Variants in MPLKIP observed in about 807,000 individuals in gnomAD.
MPLKIP encodes the protein M-phase-specific PLK1-interacting protein.
A neutral mutation model predicts 16.9 loss-of-function variants in MPLKIP; 16 were observed. The ratio of observed to expected loss-of-function variants is 0.94; its 90% CI spans 0.64 to 1.43. The LOEUF is 1.43. Among genes scored for constraint, MPLKIP ranks in the 40% most tolerant of loss-of-function variants. The pLI, the probability that MPLKIP is intolerant of heterozygous loss-of-function variation, is 0.00. For synonymous variants in MPLKIP, 126 were observed against 98.4 expected (o/e 1.28, Z -1.66); for missense variants, 282 against 237.6 (o/e 1.19, Z -1.23).
In MPLKIP at chr7:40,134,424, CG is replaced by C; in HGVS notation, c.143del (p.Pro48ArgfsTer105). 3 of 1,564,878 alleles carry C rather than the reference CG, an allele frequency of 1.9e-6. No homozygotes were observed. Among genetic ancestry groups the C allele is most frequent in the Non-Finnish European group, 2.6e-6 (3 of 1,156,856 alleles). On this transcript the variant is annotated frameshift_variant, in exon 1 of 2. Coordinates refer to ENST00000306984, the MANE Select transcript of MPLKIP (RefSeq NM_138701.4). LOFTEE classifies it high-confidence loss of function. ...PPSPRDGYGS[P>X]HHTPPYGPRS... ...GGGGCCCGTACGGCGGCGTGTGGTGCGGACTCCCGTACCCGTCTCGAGGGGA... is the reference window on the plus strand; with the variant it reads ...GGGGCCCGTACGGCGGCGTGTGGTGCGACTCCCGTACCCGTCTCGAGGGGA...
Position 40,133,047 on chromosome 7 carries a change from A to C in MPLKIP, c.*12T>G. On this transcript the variant is annotated 3_prime_UTR_variant, in exon 2 of 2. Coordinates refer to ENST00000306984, the MANE Select transcript of MPLKIP (RefSeq NM_138701.4). The stretch of plus-strand genomic sequence containing the variant: ...CCTGACACATGAAGCTTCCAGTTGA[A>C]TTTCAGAAATGTTAACAAAAGTATC... 1 of 1,612,374 alleles carries C rather than the reference A, an allele frequency of 6.2e-7. No individual in the cohort carries two copies. Among genetic ancestry groups the C allele is most frequent in the Non-Finnish European group, 8.5e-7 (1 of 1,178,672 alleles).
rs1333787329 is a variant in MPLKIP, at chr7:40,127,920, GTAATCCCATCTAC to G, written c.*5126_*5138del. On this transcript the variant is annotated 3_prime_UTR_variant, in exon 2 of 2. Transcript: ENST00000306984. ...TAGCCAGGCATGGTGGCTTGCACCT[GTAATCCCATCTAC>G]TCAGGAGGCTAAGGCAGGAGAACTG... 4.6e-5 allele frequency: 7 copies of G among 152,232 alleles called. No homozygotes were observed. Among genetic ancestry groups the G allele is most frequent in the African/African-American group, 1.7e-4 (7 of 41,406 alleles). 9.4% of individuals were successfully genotyped at this position (152,232 alleles called of 1,614,324 possible). A position where few individuals can be genotyped will look rare whatever the true frequency, so the allele number is the denominator to read the frequency against.
rs1190652933 is a variant in MPLKIP at position 40,128,410 on chromosome 7, G to A, written c.*4649C>T. ...ACCTAATAATAAATGTACTGGCAAG[G>A]GTTAATGAAAATGTTTCTCTTAAGA... On this transcript the variant is annotated 3_prime_UTR_variant, in exon 2 of 2. Coordinates refer to ENST00000306984, the MANE Select transcript of MPLKIP (RefSeq NM_138701.4). 1 of 152,052 alleles carries A rather than the reference G, an allele frequency of 6.6e-6. No homozygotes were observed. The highest frequency in any genetic ancestry group is 1.5e-5 in the Non-Finnish European group (1 of 68,006). 9.4% of individuals were successfully genotyped at this position (152,052 alleles called of 1,614,324 possible). A position where few individuals can be genotyped will look rare whatever the true frequency, so the allele number is the denominator to read the frequency against.
At position 40,128,550 on chromosome 7, in the gene MPLKIP, C is replaced by T. The variant is rs888234945; in HGVS notation, c.*4509G>A. The T allele has an allele frequency of 2.0e-5, 3 of 152,306 alleles. No individual in the cohort carries two copies. Among genetic ancestry groups the T allele is most frequent in the Admixed American group, 6.5e-5 (1 of 15,296 alleles). 9.4% of individuals were successfully genotyped at this position (152,306 alleles called of 1,614,324 possible). ...AACATGAAACTTTTAACTTCCTCCT[C>T]CTTGATATCATGCAAACTATGCTAC... On this transcript the variant is annotated 3_prime_UTR_variant, in exon 2 of 2. Coordinates refer to ENST00000306984, the MANE Select transcript of MPLKIP (RefSeq NM_138701.4).
Position 40,133,211 on chromosome 7 carries a change from T to C in MPLKIP, c.388A>G (p.Lys130Glu). The change falls in exon 2 of 2, where the codon AAA (lysine) becomes GAA (glutamate). Residue 130 changes from lysine (K) to glutamate (E), a missense_variant. Lys to Glu is a moderately conservative substitution (Grantham distance 56, BLOSUM62 1). Transcript: ENST00000306984. Reference protein sequence around the residue: ...TPFGSGRVREKRMSNELENYF... With the variant: ...TPFGSGRVREERMSNELENYF... ...TTTTCCAACTCATTAGACATTCTTTTTTCTCTAACACGCCCTGATCCAAAT... is the reference window on the plus strand; with the variant it reads ...TTTTCCAACTCATTAGACATTCTTTCTTCTCTAACACGCCCTGATCCAAAT... 2 of 1,613,806 alleles carry C rather than the reference T, an allele frequency of 1.2e-6. No individual in the cohort carries two copies. Among genetic ancestry groups the C allele is most frequent in the East Asian group, 4.5e-5 (2 of 44,834 alleles).
Position 40,134,617 on chromosome 7 carries a change from T to C in MPLKIP, c.-50A>G, listed in dbSNP as rs746561954. ...CGCAGCCGCGTTCTCCCACCGGAAC[T>C]GTATCAACCGGCCCTCCGCAGAGAA... is the stretch of plus-strand genomic sequence containing the variant. On this transcript the variant is annotated 5_prime_UTR_variant, in exon 1 of 2. Coordinates refer to ENST00000306984, the MANE Select transcript of MPLKIP (RefSeq NM_138701.4). The C allele has an allele frequency of 8.5e-6, 13 of 1,528,208 alleles. No homozygotes were observed. Among genetic ancestry groups the C allele is most frequent in the Non-Finnish European group, 1.1e-5 (13 of 1,133,974 alleles). 94.7% of individuals were successfully genotyped at this position (1,528,208 alleles called of 1,614,324 possible). A position where few individuals can be genotyped will look rare whatever the true frequency, so the allele number is the denominator to read the frequency against.
Position 40,132,480 on chromosome 7 carries a change from A to T in MPLKIP, c.*579T>A, listed in dbSNP as rs1000269079. ...GCCTTTTCCAGTTAAATGAGTATAA[A>T]GTTATGCTTAAATGGGTTTCTGGGG... On this transcript the variant is annotated 3_prime_UTR_variant, in exon 2 of 2. Transcript: ENST00000306984. The T allele has an allele frequency of 6.2e-6, 1 of 160,798 alleles. No homozygotes were observed. 10.0% of individuals were successfully genotyped at this position (160,798 alleles called of 1,614,324 possible).
intron 1 of MPLKIP, 42 bp downstream of exon 1, chr7:40,134,187 C>A (rs375140000): frequency 1.3e-6 from 2 of 1,537,938 alleles, no homozygotes; most frequent in Non-Finnish European, 1.8e-6. Flanking sequence ...ACCGTGCCTG[C>A]CATAAAGTAA....
In MPLKIP at chr7:40,131,789, G is replaced by A. The variant is rs1787466174; in HGVS notation, c.*1270C>T. The A allele has an allele frequency of 6.6e-6, 1 of 152,310 alleles. No homozygotes were observed. The highest frequency in any genetic ancestry group is 2.4e-5 in the African/African-American group (1 of 41,466). 9.4% of individuals were successfully genotyped at this position (152,310 alleles called of 1,614,324 possible). On this transcript the variant is annotated 3_prime_UTR_variant, in exon 2 of 2. Coordinates refer to ENST00000306984, the MANE Select transcript of MPLKIP (RefSeq NM_138701.4). ...GGAGGCGGACGTTGCAGTGAGCCAA[G>A]ATTGCGCCACTGCACTCCAGCGTGG...
Position 40,132,941 on chromosome 7 carries a change from G to A in MPLKIP, c.*118C>T. 2.2e-6 allele frequency: 2 copies of A among 893,462 alleles called. No individual in the cohort carries two copies. The highest frequency in any genetic ancestry group is 2.9e-5 in the South Asian group (2 of 69,776). The allele number at this position is 893,462 out of a possible 1,614,324, so 55.3% of individuals were successfully genotyped here. A position where few individuals can be genotyped will look rare whatever the true frequency, so the allele number is the denominator to read the frequency against. ...CTGATACGATGAAAAATAACAAAAA[G>A]ACCTTACTAATTATCCAATCAAAGT... On this transcript the variant is annotated 3_prime_UTR_variant, in exon 2 of 2. Transcript: ENST00000306984.
In MPLKIP at chr7:40,126,214, T is replaced by G. The variant is rs1241681895; in HGVS notation, c.*6845A>C. On this transcript the variant is annotated 3_prime_UTR_variant, in exon 2 of 2. Coordinates refer to ENST00000306984, the MANE Select transcript of MPLKIP (RefSeq NM_138701.4). ...ACACTATGACCTTATATTTACCATTTATAGAGAGTACAGCATATTGTTTTG... is the reference window on the plus strand; with the variant it reads ...ACACTATGACCTTATATTTACCATTGATAGAGAGTACAGCATATTGTTTTG... 6.6e-6 allele frequency: 1 copy of G among 152,222 alleles called. No individual in the cohort carries two copies. Among genetic ancestry groups the G allele is most frequent in the Non-Finnish European group, 1.5e-5 (1 of 68,048 alleles). 9.4% of individuals were successfully genotyped at this position (152,222 alleles called of 1,614,324 possible). A position where few individuals can be genotyped will look rare whatever the true frequency, so the allele number is the denominator to read the frequency against.
Position 40,134,581 on chromosome 7 carries a change from G to T in MPLKIP, c.-14C>A. 1 of 1,576,318 alleles carries T rather than the reference G, an allele frequency of 6.3e-7. No homozygotes were observed. The highest frequency in any genetic ancestry group is 1.8e-5 in the Admixed American group (1 of 54,550). On this transcript the variant is annotated 5_prime_UTR_variant, in exon 1 of 2. Transcript: ENST00000306984. The stretch of plus-strand genomic sequence containing the variant: ...CTGTCGCTGCATATCAGGAGCCAAA[G>T]CCGAAAACCTCGCAGCCGCGTTCTC...
chr7:40,134,411 G>T lies in MPLKIP; in HGVS notation c.157C>A (p.Pro53Thr). 1 of 1,563,266 alleles carries T rather than the reference G, an allele frequency of 6.4e-7. No homozygotes were observed. ...DGYGSPHHTP[P>T]YGPRSRPYGS... ...TACGGCCTAGACCGGGGCCCGTACG[G>T]CGGCGTGTGGTGCGGACTCCCGTAC... The change falls in exon 1 of 2, where the codon CCG (proline) becomes ACG (threonine). Residue 53 changes from proline (P) to threonine (T), a missense_variant. Transcript: ENST00000306984.
rs1196324817 is a variant in MPLKIP at position 40,134,099 on chromosome 7, G to A, written c.339+130C>T. 8 of 1,034,956 alleles carry A rather than the reference G, an allele frequency of 7.7e-6. No individual in the cohort carries two copies. In the East Asian group the frequency reaches 7.8e-5, roughly 10 times the overall value. The allele number at this position is 1,034,956 out of a possible 1,614,324, so 64.1% of individuals were successfully genotyped here. On this transcript the variant is annotated intron_variant, in intron 1 of 1. Coordinates refer to ENST00000306984, the MANE Select transcript of MPLKIP (RefSeq NM_138701.4). ...ACTCAACTTCTCTAAGCCTCAGTTC[G>A]CTCATCTGCAAAATTGGGCTAACAA...
Position 40,130,528 on chromosome 7 carries a change from A to G in MPLKIP, c.*2531T>C, listed in dbSNP as rs1400604653. 2 of 152,204 alleles carry G rather than the reference A, an allele frequency of 1.3e-5. No homozygotes were observed. The highest frequency in any genetic ancestry group is 2.9e-5 in the Non-Finnish European group (2 of 68,024). 9.4% of individuals were successfully genotyped at this position (152,204 alleles called of 1,614,324 possible). On this transcript the variant is annotated 3_prime_UTR_variant, in exon 2 of 2. Transcript: ENST00000306984. Reference sequence around the variant, plus strand: ...TTATGTTACACTTACAGTGAAATAAAATGTACGTAGACCATTAGAAGAGTT... The same window carrying G: ...TTATGTTACACTTACAGTGAAATAAGATGTACGTAGACCATTAGAAGAGTT...
In MPLKIP at chr7:40,131,470, T is replaced by C. The variant is rs995741279; in HGVS notation, c.*1589A>G. 1 of 152,142 alleles carries C rather than the reference T, an allele frequency of 6.6e-6. No individual in the cohort carries two copies. Among genetic ancestry groups the C allele is most frequent in the African/African-American group, 2.4e-5 (1 of 41,400 alleles). 9.4% of individuals were successfully genotyped at this position (152,142 alleles called of 1,614,324 possible). On this transcript the variant is annotated 3_prime_UTR_variant, in exon 2 of 2. Coordinates refer to ENST00000306984, the MANE Select transcript of MPLKIP (RefSeq NM_138701.4). ...AACTCAGCACTGTGGGAGGCTGAGA[T>C]GGGTGGATCATTTGAGATCATGAGT... is the stretch of plus-strand genomic sequence containing the variant.
At position 40,131,298 on chromosome 7, in the gene MPLKIP, T is replaced by G. The variant is rs1787459152; in HGVS notation, c.*1761A>C. 6.6e-6 allele frequency: 1 copy of G among 152,170 alleles called. No homozygotes were observed. Among genetic ancestry groups the G allele is most frequent in the South Asian group, 2.1e-4 (1 of 4,832 alleles). The allele number at this position is 152,170 out of a possible 1,614,324, so 9.4% of individuals were successfully genotyped here. A position where few individuals can be genotyped will look rare whatever the true frequency, so the allele number is the denominator to read the frequency against. ...ATGGTTCAAATAGGAGGTGTGACCA[T>G]TTTGTTTTTACACGTTTCTTTCTGG... On this transcript the variant is annotated 3_prime_UTR_variant, in exon 2 of 2. Coordinates refer to ENST00000306984, the MANE Select transcript of MPLKIP (RefSeq NM_138701.4).
Position 40,127,092 on chromosome 7 carries a change from C to CTACT in MPLKIP, c.*5963_*5966dup, listed in dbSNP as rs1464561061. On this transcript the variant is annotated 3_prime_UTR_variant, in exon 2 of 2. Transcript: ENST00000306984. ...TTTGGAGACATTTACTTCTATATAC[C>CTACT]TACTTATATCTAAGTATATGTTCTG... The CTACT allele has an allele frequency of 6.6e-6, 1 of 151,896 alleles. No individual in the cohort carries two copies. Among genetic ancestry groups the CTACT allele is most frequent in the African/African-American group, 2.4e-5 (1 of 41,336 alleles). 9.4% of individuals were successfully genotyped at this position (151,896 alleles called of 1,614,324 possible).
At position 40,128,992 on chromosome 7, in the gene MPLKIP, C is replaced by CT. The variant is rs1787427313; in HGVS notation, c.*4066dup. 6.7e-6 allele frequency: 1 copy of CT among 149,236 alleles called. No individual in the cohort carries two copies. The highest frequency in any genetic ancestry group is 2.2e-4 in the South Asian group (1 of 4,648). The allele number at this position is 149,236 out of a possible 1,614,324, so 9.2% of individuals were successfully genotyped here. A position where few individuals can be genotyped will look rare whatever the true frequency, so the allele number is the denominator to read the frequency against. The stretch of plus-strand genomic sequence containing the variant: ...AGGAGATTCACCAAAACTAATCATG[C>CT]TTTTTTACTAATCTTGAATATTTTA... On this transcript the variant is annotated 3_prime_UTR_variant, in exon 2 of 2. Transcript: ENST00000306984.
Sources: allele counts gnomAD v4.1 joint callset, GRCh38; gene constraint gnomAD v4.1.1; transcripts MANE v1.5; gene names NCBI Gene and HGNC (gene_info 2026-07-23, HGNC 2026-07-21).